The following APC2 variants were observed in gnomAD, a reference collection of about 807,000 sequenced individuals.
The protein encoded by APC2 is APC regulator of Wnt signaling pathway 2.
A neutral mutation model predicts 72.5 loss-of-function variants in APC2; 41 were observed. The observed-to-expected ratio is 0.57, with a 90% CI of 0.44 to 0.73. The LOEUF (loss-of-function observed/expected upper bound fraction) is 0.73. Among genes scored for constraint, APC2 ranks in the 30% least tolerant of loss-of-function variants. The pLI is 0.00. For synonymous variants in APC2, 1,898 were observed against 1,612.0 expected, an observed-to-expected ratio of 1.18 and a Z score of -4.25; for missense variants, 3,729 against 3,403.4, an observed-to-expected ratio of 1.10 and a Z score of -2.38.
intron 6 of APC2, 138 bp downstream of exon 6, chr19:1,455,638 G>C: frequency 1.2e-6 from 1 of 859,554 alleles, no homozygotes; most frequent in Admixed American, 2.2e-5. Flanking sequence ...GCGGGTTCTG[G>C]TTCAGGAGGC....
chr19:1,449,931 C>A (rs537127000), upstream of APC2, among the ~76,000 whole-genome samples: 18 of 152,238 alleles, frequency 1.2e-4, no homozygotes, highest in African/African-American at 4.1e-4. Flanking sequence ...CTCGGGGCAC[C>A]CCCTTCCCTC....
chr19:1,460,662 G>T (rs1267583868), intron 11 of APC2, 118 bp from the exon 12 acceptor site: 1 of 1,107,188 alleles, frequency 9.0e-7, no homozygotes, highest in Admixed American at 2.3e-5. Flanking sequence ...CCCGGTAGTG[G>T]TCAGGATCAG....
At chr19:1,458,401 G>T (rs115864272) in intron 10 of APC2, 1 of 284,734 alleles carries the variant, frequency 3.5e-6, no homozygotes, top group Non-Finnish European at 6.6e-6. Context: ...GGTGTTTTAC[G>T]TTTGAGGACA....
chr19:1,461,692 A>C (rs1473997185), intron 13 of APC2: 3 of 468,516 alleles, frequency 6.4e-6, no homozygotes, highest in Non-Finnish European at 1.1e-5. Flanking sequence ...CTCTACTAAA[A>C]ATACAAAAAA....
chr19:1,464,488 G>A (rs2083973800), intron 14 of APC2, among the ~76,000 whole-genome samples: 1 of 151,960 alleles, frequency 6.6e-6, no homozygotes, highest in Non-Finnish European at 1.5e-5. Context: ...CCCAGGAGTT[G>A]GAGGCTGCAG....
chr19:1,456,350 G>T lies in APC2; in HGVS notation c.762G>T (p.Glu254Asp). ...CGGTGCCGGTGGACGAGGACCCCGA[G>T]ACAGAGGTCCCCACACACCCTGAGG... Reference protein sequence around the residue: ...VKSVPVDEDPETEVPTHPEDG... With the variant: ...VKSVPVDEDPDTEVPTHPEDG... Residue 254 changes from glutamate (E) to aspartate (D), a missense_variant, in exon 8 of 15, where the codon GAG becomes GAT. By Grantham distance (45) the Glu-to-Asp change is conservative. Coordinates refer to ENST00000590469, the MANE Select transcript of APC2 (RefSeq NM_005883.3). The T allele has an allele frequency of 6.2e-7, 1 of 1,609,600 alleles. No homozygotes were observed. The highest frequency in any genetic ancestry group is 1.1e-5 in the South Asian group (1 of 90,434).
Position 1,469,527 on chromosome 19 carries a change from AC to A in APC2, c.6228del (p.Thr2077ProfsTer258). 1 of 1,176,136 alleles carries A rather than the reference AC, an allele frequency of 8.5e-7. No individual in the cohort carries two copies. Among genetic ancestry groups the A allele is most frequent in the Non-Finnish European group, 1.1e-6 (1 of 943,070 alleles). 72.9% of individuals were successfully genotyped at this position (1,176,136 alleles called of 1,614,324 possible). A position where few individuals can be genotyped will look rare whatever the true frequency, so the allele number is the denominator to read the frequency against. ...PSPGERPARR[T>X]TSESPSRLPV... is the part of the protein sequence containing the mutation. ...CCCTGGCGAGCGCCCTGCCCGGCGC[AC>A]CACCTCCGAGAGCCCGTCCCGCCTG... On this transcript the variant is annotated frameshift_variant, in exon 15 of 15. Transcript: ENST00000590469. LOFTEE classifies it low-confidence loss of function (END_TRUNC).
chr19:1,466,540 G>A lies in APC2; in HGVS notation c.3239G>A (p.Gly1080Asp), dbSNP rs1260041584. The A allele has an allele frequency of 2.5e-6, 4 of 1,584,900 alleles. No individual in the cohort carries two copies. The highest frequency in any genetic ancestry group is 1.7e-5 in the Admixed American group (1 of 58,134). Reference sequence around the variant, plus strand: ...TCCCTTTCCTCGCTGTCCTCGGCCGGCCGCCCAGGCCCCAGCGAGGGTGGT... The same window carrying A: ...TCCCTTTCCTCGCTGTCCTCGGCCGACCGCCCAGGCCCCAGCGAGGGTGGT... Reference protein sequence around the residue: ...CSSLSSLSSAGRPGPSEGGDL... With the variant: ...CSSLSSLSSADRPGPSEGGDL... The change falls in exon 15 of 15, where the codon GGC becomes GAC. Residue 1080 changes from glycine to aspartate, a missense_variant. Physicochemically the swap from Gly to Asp is moderately conservative, Grantham distance 94. Coordinates refer to ENST00000590469, the MANE Select transcript of APC2 (RefSeq NM_005883.3).
rs776326309 is a variant in APC2, at chr19:1,467,017, G to A, written c.3716G>A (p.Arg1239His). 1 of 1,610,724 alleles carries A rather than the reference G, an allele frequency of 6.2e-7. No homozygotes were observed. ...CTGCAGTGGGAGAGCTACGTGAAGC[G>A]CTTCCTGGACATCGCCGACTGCCGG... ...FSLQWESYVK[R>H]FLDIADCRER... Residue 1239 changes from arginine (R) to histidine (H), a missense_variant, in exon 15 of 15, where the codon CGC (arginine) becomes CAC (histidine). Physicochemically the swap from Arg to His is conservative, Grantham distance 29 (BLOSUM62 0). Coordinates refer to ENST00000590469, the MANE Select transcript of APC2 (RefSeq NM_005883.3).
At chr19:1,457,491 G>A in intron 9 of APC2, 1 of 573,848 alleles carries the variant, frequency 1.7e-6, no homozygotes, top group South Asian at 2.4e-5. Flanking sequence ...GGTAACTCTG[G>A]AAAGTTGGGT....
intron 4 of APC2, among the ~76,000 whole-genome samples, chr19:1,453,871 G>T (rs549274659): frequency 6.6e-6 from 1 of 152,324 alleles, no homozygotes; most frequent in Non-Finnish European, 1.5e-5. Context: ...TGAGGGAAAG[G>T]CTCCTTGGAG....
chr19:1,453,399 C>T lies in APC2; in HGVS notation c.233-32C>T, dbSNP rs576317108. On this transcript the variant is annotated intron_variant, in intron 3 of 14. Coordinates refer to ENST00000590469, the MANE Select transcript of APC2 (RefSeq NM_005883.3). ...GGCTGGGGGGAAAGGCAGGCAGGGC[C>T]GCTGACCTCCGCCCTGTCCCCGCCC... is the stretch of plus-strand genomic sequence containing the variant. 100 of 1,609,192 alleles carry T rather than the reference C, an allele frequency of 6.2e-5. No homozygotes were observed. The East Asian group carries it at 1.4e-3, about 23-fold the overall frequency.
At position 1,469,347 on chromosome 19, in the gene APC2, T is replaced by G. The variant is rs1257595909; in HGVS notation, c.6046T>G (p.Ser2016Ala). The G allele has an allele frequency of 7.4e-7, 1 of 1,344,338 alleles. No homozygotes were observed. Among genetic ancestry groups the G allele is most frequent in the Admixed American group, 3.0e-5 (1 of 33,410 alleles). The allele number at this position is 1,344,338 out of a possible 1,614,324, so 83.3% of individuals were successfully genotyped here. A position where few individuals can be genotyped will look rare whatever the true frequency, so the allele number is the denominator to read the frequency against. The change falls in exon 15 of 15, where the codon TCC (serine) becomes GCC (alanine). Residue 2016 changes from serine to alanine, a missense_variant. Physicochemically the swap from Ser to Ala is moderately conservative, Grantham distance 99 (BLOSUM62 1). Transcript: ENST00000590469. ...CCGCTCCGAGCTGTCCTCGGCCGAG[T>G]CCGCGGCCTCTGCCCCCCAGGGCGC... ...RRRSELSSAESAASAPQGASP... is the reference protein window; with the variant it reads ...RRRSELSSAEAAASAPQGASP...
chr19:1,462,251 C>A, intron 14 of APC2, 74 bp downstream of exon 14: 1 of 1,380,572 alleles, frequency 7.2e-7, no homozygotes, highest in Admixed American at 2.2e-5. Context: ...TGGGCACTGT[C>A]CTCCCGTGAA....
At chr19:1,457,896 G>GGGGGGGGGGA in intron 9 of APC2, 69 bp from the exon 10 acceptor site, 1 of 1,319,328 alleles carries the variant, frequency 7.6e-7, no homozygotes, top group East Asian at 2.8e-5. Flanking sequence ...GGCGGGTTGC[G>GGGGGGGGGGA]GGACCTTCGG....
chr19:1,468,832 A>T lies in APC2; in HGVS notation c.5531A>T (p.His1844Leu), dbSNP rs1231953272. ...GGGCAGCAGCGGTCGCGGAGCCTAC[A>T]CCGGCCTGCCAAGACCTCGGAGCTG... is the stretch of plus-strand genomic sequence containing the variant. ...SPGQQRSRSL[H>L]RPAKTSELAT... Residue 1844 changes from histidine (H) to leucine (L), a missense_variant, in exon 15 of 15, where the codon CAC (histidine) becomes CTC (leucine). His to Leu is a moderately conservative substitution (Grantham distance 99, BLOSUM62 -3). Transcript: ENST00000590469. The T allele has an allele frequency of 6.4e-7, 1 of 1,550,726 alleles. No homozygotes were observed. The highest frequency in any genetic ancestry group is 1.2e-5 in the South Asian group (1 of 85,582).
Position 1,470,496 on chromosome 19 carries a change from C to T in APC2, c.*283C>T. The T allele has an allele frequency of 2.5e-6, 1 of 403,818 alleles. No homozygotes were observed. The highest frequency in any genetic ancestry group is 2.1e-5 in the African/African-American group (1 of 47,902). The allele number at this position is 403,818 out of a possible 1,614,324, so 25.0% of individuals were successfully genotyped here. A position where few individuals can be genotyped will look rare whatever the true frequency, so the allele number is the denominator to read the frequency against. ...GGGCGTCCTGGCCCAGCCCTGAGCGCGCGGCCCTTCCCCTGTCGGAAGCCG... is the reference window on the plus strand; with the variant it reads ...GGGCGTCCTGGCCCAGCCCTGAGCGTGCGGCCCTTCCCCTGTCGGAAGCCG... On this transcript the variant is annotated 3_prime_UTR_variant, in exon 15 of 15. Coordinates refer to ENST00000590469, the MANE Select transcript of APC2 (RefSeq NM_005883.3).
At chr19:1,450,920 A>G (rs2083735103) in intron 1 of APC2, among the ~76,000 whole-genome samples, 1 of 152,314 alleles carries the variant, frequency 6.6e-6, no homozygotes, top group Admixed American at 6.5e-5. Flanking sequence ...TGCACGTGCA[A>G]AGGCCTGAGA....
In APC2 at chr19:1,459,907, A is replaced by T. The variant is rs77011006; in HGVS notation, c.1304-274A>T. ...TCCAGGCTGAGGGAACAACAGGTGCAGAGGCCCAGTGGCTGGAGGAAGCGT... is the reference window on the plus strand; with the variant it reads ...TCCAGGCTGAGGGAACAACAGGTGCTGAGGCCCAGTGGCTGGAGGAAGCGT... On this transcript the variant is annotated intron_variant, in intron 10 of 14. Transcript: ENST00000590469. Among the ~76,000 whole-genome samples, 167 of 152,330 alleles carry T rather than the reference A, an allele frequency of 1.1e-3. 4 individuals carry two copies. The East Asian group carries it at 0.021, about 19-fold the overall frequency.
Sources: allele counts gnomAD v4.1 joint callset (sites outside exome capture counted in the v4.1 genomes callset), GRCh38; gene constraint gnomAD v4.1.1; transcripts MANE v1.5; gene names NCBI Gene and HGNC (gene_info 2026-07-23, HGNC 2026-07-21).